ROBO2: variants seen among roughly 807,000 people sequenced by gnomAD.
The protein encoded by ROBO2 is roundabout guidance receptor 2, also known as roundabout homolog 2.
In ROBO2, 53 loss-of-function variants were observed where a neutral mutation model predicts 160.8. The ratio of observed to expected loss-of-function variants is 0.33; its 90% confidence interval spans 0.26 to 0.41. The LOEUF (loss-of-function observed/expected upper bound fraction) is 0.41. Among genes scored for constraint, ROBO2 ranks in the 10% least tolerant of loss-of-function variants. The pLI is 1.00. For missense variants in ROBO2, 1,577 were observed against 1,722.4 expected, an observed-to-expected ratio of 0.92 and a Z score of 1.49; for synonymous variants, 664 against 611.7, an observed-to-expected ratio of 1.09 and a Z score of -1.26.
intron 5 of ROBO2, among the ~76,000 whole-genome samples, chr3:77,506,633 C>A (rs907266109): frequency 6.6e-6 from 1 of 151,936 alleles, no homozygotes; most frequent in African/African-American, 2.4e-5. Flanking sequence ...TGCGGCTAAA[C>A]GTCTTACTAT....
At chr3:76,664,959 C>T (rs954017436) in intron 2 of ROBO2, among the ~76,000 whole-genome samples, 3 of 152,118 alleles carry the variant, frequency 2.0e-5, no homozygotes, top group African/African-American at 7.2e-5. Context: ...CAGAGTCAAA[C>T]GCTACAGAGA....
intron 2 of ROBO2, among the ~76,000 whole-genome samples, chr3:76,518,769 C>T (rs112972845): frequency 0.012 from 1,804 of 152,122 alleles, 12 homozygotes; most frequent in Non-Finnish European, 0.021. Flanking sequence ...TCTTATAAAG[C>T]GGAAAAACAA....
intron 2 of ROBO2, among the ~76,000 whole-genome samples, chr3:77,337,205 T>G (rs1352664227): frequency 1.3e-5 from 2 of 152,216 alleles, no homozygotes; most frequent in Non-Finnish European, 2.9e-5. Context: ...GAGATACATT[T>G]GGAAGCCTTC....
intron 6 of ROBO2, among the ~76,000 whole-genome samples, chr3:77,543,087 C>T (rs141021590): frequency 1.2e-4 from 18 of 152,228 alleles, no homozygotes; most frequent in African/African-American, 3.1e-4. Context: ...TACCACTCTT[C>T]GCCTAGTCAG....
chr3:77,361,380 G>A (rs2069965476), intron 2 of ROBO2, among the ~76,000 whole-genome samples: 2 of 151,452 alleles, frequency 1.3e-5, no homozygotes, highest in Non-Finnish European at 2.9e-5. Context: ...TTTTATTTTT[G>A]TCTGGAAATC....
intron 2 of ROBO2, among the ~76,000 whole-genome samples, chr3:76,485,950 GAAAAT>G (rs2079473865): frequency 6.6e-6 from 1 of 152,138 alleles, no homozygotes; most frequent in Admixed American, 6.5e-5. Flanking sequence ...ATGGAAGAAA[GAAAAT>G]GAAAGAATTA....
intron 2 of ROBO2, among the ~76,000 whole-genome samples, chr3:76,869,354 T>G (rs1190929050): frequency 7.3e-6 from 1 of 137,040 alleles, no homozygotes; most frequent in Admixed American, 7.3e-5. Context: ...TTTTTTTTTT[T>G]TTTTTTTTTT....
chr3:77,132,583 T>C (rs1202552435), intron 2 of ROBO2, among the ~76,000 whole-genome samples: 1 of 152,114 alleles, frequency 6.6e-6, no homozygotes, highest in Non-Finnish European at 1.5e-5. Context: ...CTCTATAACA[T>C]TAGATGAAAT....
At chr3:76,907,086 T>A (rs1465491224) in intron 2 of ROBO2, among the ~76,000 whole-genome samples, 5 of 152,162 alleles carry the variant, frequency 3.3e-5, no homozygotes, top group African/African-American at 9.7e-5. Flanking sequence ...GTGTCTATAA[T>A]ATTACCTGCA....
At chr3:77,410,501 C>CTCCTCCTCCTCT (rs1560756699) in intron 2 of ROBO2, among the ~76,000 whole-genome samples, 1 of 118,826 alleles carries the variant, frequency 8.4e-6, no homozygotes, top group Admixed American at 8.0e-5. Flanking sequence ...CCTCCTCCTC[C>CTCCTCCTCCTCT]TCTTCCTCCT....
Position 77,583,800 on chromosome 3 carries a change from G to A in ROBO2, c.2500+3682G>A, listed in dbSNP as rs570171910. ...TTGTGATCTTTTGAAGCATGTTTGT[G>A]TCCTAGCAGGCACATACATTACTGT... On this transcript the variant is annotated intron_variant, in intron 16 of 25. Coordinates refer to ENST00000461745, the Ensembl canonical transcript of ROBO2. Among the ~76,000 whole-genome samples the A allele has an allele frequency of 3.9e-4, 59 of 152,232 alleles. 2 individuals are homozygous for A. In the South Asian group the frequency reaches 0.012, roughly 31 times the overall value.
chr3:76,628,996 G>C (rs139580288), intron 2 of ROBO2, among the ~76,000 whole-genome samples: 1 of 151,934 alleles, frequency 6.6e-6, no homozygotes, highest in African/African-American at 2.4e-5. Flanking sequence ...ATAATATAGC[G>C]TCACTTTTGT....
At chr3:76,070,410 G>A (rs773664219) in intron 2 of ROBO2, among the ~76,000 whole-genome samples, 2 of 152,094 alleles carry the variant, frequency 1.3e-5, no homozygotes, top group Non-Finnish European at 2.9e-5. Flanking sequence ...GCGCTCCCAG[G>A]CTTATTAGGA....
intron 6 of ROBO2, among the ~76,000 whole-genome samples, chr3:77,531,967 C>T (rs2091762787): frequency 6.6e-6 from 1 of 152,096 alleles, no homozygotes; most frequent in South Asian, 2.1e-4. Flanking sequence ...ATCAGGTTTT[C>T]CGTTGCTCCA....
chr3:76,584,316 C>T (rs1016817336), intron 2 of ROBO2, among the ~76,000 whole-genome samples: 1 of 131,252 alleles, frequency 7.6e-6, no homozygotes, highest in African/African-American at 2.6e-5. Flanking sequence ...TCCAAGACTT[C>T]AATATATGAT....
chr3:76,589,401 C>T (rs1439564506), intron 2 of ROBO2, among the ~76,000 whole-genome samples: 1 of 152,078 alleles, frequency 6.6e-6, no homozygotes, highest in Non-Finnish European at 1.5e-5. Flanking sequence ...CCGAGGTTCC[C>T]GCCATTCTCC....
intron 2 of ROBO2, among the ~76,000 whole-genome samples, chr3:76,063,087 C>G (rs1281525323): frequency 6.6e-6 from 1 of 152,118 alleles, no homozygotes; most frequent in African/African-American, 2.4e-5. Context: ...CATATCAGCT[C>G]ATTTAAACAA....
intron 2 of ROBO2, among the ~76,000 whole-genome samples, chr3:76,851,764 A>AAAAAAATATATATAT (rs1553659595): frequency 7.3e-6 from 1 of 137,088 alleles, no homozygotes; most frequent in Non-Finnish European, 1.5e-5. Flanking sequence ...AAAAAAAAAA[A>AAAAAAATATATATAT]ATATTAACAT....
intron 9 of ROBO2, 58 bp downstream of exon 10, chr3:77,558,207 GA>G: frequency 7.1e-7 from 1 of 1,409,740 alleles, no homozygotes; most frequent in Non-Finnish European, 1.0e-6. Flanking sequence ...CTGCTCTATG[GA>G]AAAATTGCAT....
Sources: gnomAD v4.1 joint callset for allele counts (sites outside exome capture counted in the v4.1 genomes callset) on GRCh38, gnomAD v4.1.1 for gene constraint, MANE v1.5 for transcripts, NCBI Gene and HGNC (gene_info 2026-07-23, HGNC 2026-07-21) for gene names.